The following TRPS1 variants were observed in gnomAD, a reference collection of about 807,000 sequenced individuals.
TRPS1 encodes the protein zinc finger transcription factor Trps1.
A neutral mutation model predicts 101.2 loss-of-function variants in TRPS1; 6 were observed. The ratio of observed to expected loss-of-function variants is 0.06; its 90% CI spans 0.03 to 0.12. TRPS1 has a LOEUF of 0.12. Ranked by LOEUF, TRPS1 falls within the 10% of genes least tolerant of loss-of-function variation. The pLI is 1.00. For synonymous variants in TRPS1, 578 were observed against 589.8 expected (o/e 0.98, Z 0.29); for missense variants, 1,363 against 1,567.0 (o/e 0.87, Z 2.20).
chr8:115,456,081 C>T (rs184060774), intron 5 of TRPS1, among the ~76,000 whole-genome samples: 415 of 152,158 alleles, frequency 2.7e-3, no homozygotes, highest in African/African-American at 9.4e-3. Context: ...GTGTGAGCCA[C>T]GGTGCCTGGC....
intron 5 of TRPS1, among the ~76,000 whole-genome samples, chr8:115,425,704 A>G (rs1813171111): frequency 6.6e-6 from 1 of 152,244 alleles, no homozygotes; most frequent in Non-Finnish European, 1.5e-5. Context: ...CCCACTCTTT[A>G]TTCATACAGA....
chr8:115,665,647 A>T (rs953420994), intron 1 of TRPS1, among the ~76,000 whole-genome samples: 1 of 152,182 alleles, frequency 6.6e-6, no homozygotes, highest in African/African-American at 2.4e-5. Flanking sequence ...GTATGCAGAA[A>T]ATTTTATAAA....
intron 1 of TRPS1, among the ~76,000 whole-genome samples, chr8:115,650,801 G>A (rs1189901347): frequency 3.3e-5 from 5 of 152,130 alleles, no homozygotes; most frequent in Non-Finnish European, 7.4e-5. Context: ...GAGCAAAGAG[G>A]AATCCAATAT....
rs769248489 is a variant in TRPS1 at position 115,415,049 on chromosome 8, G to T, written c.2859C>A (p.Asn953Lys). 1 of 1,595,006 alleles carries T rather than the reference G, an allele frequency of 6.3e-7. No homozygotes were observed. Among genetic ancestry groups the T allele is most frequent in the Non-Finnish European group, 8.5e-7 (1 of 1,174,886 alleles). The change falls in exon 7 of 7, where the codon AAC (asparagine) becomes AAA (lysine). Residue 953 changes from asparagine to lysine, a missense_variant. By Grantham distance (94) the Asn-to-Lys change is moderately conservative (BLOSUM62 0). Transcript: ENST00000395715. ...TTCTCCTCCTAATAATCTGCTCACCGTTGTTTTGTTTAATGATGTTTAAAG... is the reference window on the plus strand; with the variant it reads ...TTCTCCTCCTAATAATCTGCTCACCTTTGTTTTGTTTAATGATGTTTAAAG... The part of the protein sequence containing the change: ...PRPLNIIKQN[N>K]GEQIIRRRTR...
Position 115,568,959 on chromosome 8 carries a change from C to G in TRPS1, c.2700+18042G>C, listed in dbSNP as rs112405878. Among the ~76,000 whole-genome samples, 1,218 of 152,110 alleles carry G rather than the reference C, an allele frequency of 8.0e-3. 9 individuals are homozygous for G. The highest frequency in any genetic ancestry group is 0.027 in the Middle Eastern group (8 of 294). ...GTCTTCCATAGGCATCATACAAATA[C>G]TGAATTAAAAGATGAACAAATGTTT... On this transcript the variant is annotated intron_variant, in intron 5 of 6. Coordinates refer to ENST00000395715, the MANE Select transcript of TRPS1 (RefSeq NM_014112.5).
At chr8:115,571,907 G>A (rs1817212125) in intron 5 of TRPS1, among the ~76,000 whole-genome samples, 1 of 151,656 alleles carries the variant, frequency 6.6e-6, no homozygotes, top group South Asian at 2.1e-4. Context: ...AAGTAGTAGG[G>A]CTATTTTTTA....
chr8:115,661,293 T>A (rs1811789866), intron 1 of TRPS1, among the ~76,000 whole-genome samples: 1 of 152,076 alleles, frequency 6.6e-6, no homozygotes. Context: ...GTAGGTCATG[T>A]TAACTCCTTA....
At chr8:115,495,630 C>T (rs985267964) in intron 5 of TRPS1, among the ~76,000 whole-genome samples, 3 of 151,316 alleles carry the variant, frequency 2.0e-5, no homozygotes, top group Non-Finnish European at 4.4e-5. Flanking sequence ...GGTGACTGCA[C>T]ATGAAAATAG....
chr8:115,634,453 T>C (rs1818721705), intron 1 of TRPS1, among the ~76,000 whole-genome samples: 1 of 152,200 alleles, frequency 6.6e-6, no homozygotes, highest in Admixed American at 6.6e-5. Flanking sequence ...TAGCACTCTA[T>C]AGGATAACTT....
chr8:115,513,181 T>C (rs1460556170), intron 5 of TRPS1, among the ~76,000 whole-genome samples: 1 of 151,778 alleles, frequency 6.6e-6, no homozygotes, highest in African/African-American at 2.4e-5. Context: ...CTTTTGTAAA[T>C]ATAATGTAAC....
intron 5 of TRPS1, among the ~76,000 whole-genome samples, chr8:115,574,581 C>A (rs1015477612): frequency 6.6e-6 from 1 of 152,082 alleles, no homozygotes; most frequent in African/African-American, 2.4e-5. Flanking sequence ...ATAAACTGTA[C>A]AAATAGCTGT....
At chr8:115,444,559 T>C (rs962716456) in intron 5 of TRPS1, among the ~76,000 whole-genome samples, 1 of 152,226 alleles carries the variant, frequency 6.6e-6, no homozygotes. Flanking sequence ...TATACCTTTT[T>C]CTACAATGTT....
At position 115,627,057 on chromosome 8, in the gene TRPS1, C is replaced by T. The variant is rs111599884; in HGVS notation, c.-121-3299G>A. ...ACTTTCTTTTTTCAAAGACTTTAGG[C>T]TATAGTCACAATGACACTGTAGGAC... is the stretch of plus-strand genomic sequence containing the variant. On this transcript the variant is annotated intron_variant, in intron 1 of 6. Coordinates refer to ENST00000395715, the MANE Select transcript of TRPS1 (RefSeq NM_014112.5). 4.4e-3 allele frequency among the ~76,000 whole-genome samples: 664 copies of T among 151,558 alleles called. 7 individuals carry two copies. The highest frequency in any genetic ancestry group is 0.015 in the African/African-American group (614 of 41,402).
intron 5 of TRPS1, among the ~76,000 whole-genome samples, chr8:115,476,658 T>C (rs955058024): frequency 2.6e-5 from 4 of 152,228 alleles, no homozygotes; most frequent in African/African-American, 9.6e-5. Context: ...ATTTGGTTTC[T>C]GCCTAACCAG....
rs376187822 is a variant in TRPS1, at chr8:115,587,419, T to C, written c.2282A>G (p.Asn761Ser). 5.5e-5 allele frequency: 89 copies of C among 1,614,056 alleles called. 2 individuals are homozygous for C. The highest frequency in any genetic ancestry group is 1.6e-4 in the South Asian group (15 of 91,086). The change falls in exon 5 of 7, where the codon AAT (asparagine) becomes AGT (serine). Residue 761 changes from asparagine to serine, a missense_variant. This residue lies in a region of TRPS1 where 1,020 missense variants were observed against 1,073.0 expected (regional missense o/e 0.95). Coordinates refer to ENST00000395715, the MANE Select transcript of TRPS1 (RefSeq NM_014112.5). ...EEPKIDFRVY[N>S]LLTPDSKMGE... The stretch of plus-strand genomic sequence containing the variant: ...CATTTTAGAGTCTGGAGTTAGCAGA[T>C]TGTAGACCCTGAAGTCAATTTTGGG...
At chr8:115,663,478 C>T (rs1811852762) in intron 1 of TRPS1, among the ~76,000 whole-genome samples, 1 of 152,030 alleles carries the variant, frequency 6.6e-6, no homozygotes, top group Middle Eastern at 3.4e-3. Context: ...AAAGTATTTA[C>T]TGCAGGTTTT....
chr8:115,546,919 C>T (rs557229343), intron 5 of TRPS1, among the ~76,000 whole-genome samples: 48 of 152,156 alleles, frequency 3.2e-4, no homozygotes, highest in African/African-American at 1.1e-3. Context: ...CAAAGAAAAA[C>T]GTCCCAATCC....
chr8:115,583,124 A>G (rs1817488148), intron 5 of TRPS1, among the ~76,000 whole-genome samples: 2 of 152,224 alleles, frequency 1.3e-5, no homozygotes, highest in South Asian at 4.1e-4. Context: ...TAAAAAGCCA[A>G]GTTTTCTGCA....
chr8:115,463,170 G>A (rs1298349847), intron 5 of TRPS1, among the ~76,000 whole-genome samples: 2 of 152,144 alleles, frequency 1.3e-5, no homozygotes, highest in South Asian at 2.1e-4. Flanking sequence ...TCACTTAGAA[G>A]TATTCATAAA....
Sources: gnomAD v4.1 joint callset for allele counts (sites outside exome capture counted in the v4.1 genomes callset) on GRCh38, gnomAD v4.1.1 for gene constraint, gnomAD v4.1.1 regional missense constraint, MANE v1.5 for transcripts, NCBI Gene and HGNC (gene_info 2026-07-23, HGNC 2026-07-21) for gene names.